The following RBM10 variants were observed in gnomAD, a reference collection of about 807,000 sequenced individuals.
RBM10 encodes the protein RNA binding motif protein 10.
A neutral mutation model predicts 84.9 loss-of-function variants in RBM10; 1 was observed. The ratio of observed to expected loss-of-function variants is 0.01; its 90% CI spans 0.00 to 0.06. The LOEUF (loss-of-function observed/expected upper bound fraction) is 0.06. Ranked by LOEUF, RBM10 falls within the 10% of genes least tolerant of loss-of-function variation. RBM10 has a pLI of 1.00. For missense variants in RBM10, 438 were observed against 839.0 expected (o/e 0.52, Z 5.90); for synonymous variants, 326 against 344.5 (o/e 0.95, Z 0.60).
At chrX:47,152,178 C>T (rs1556763817) in intron 2 of RBM10, among the ~76,000 whole-genome samples, 25 of 111,980 alleles carry the variant, frequency 2.2e-4, no homozygotes, top group Non-Finnish European at 1.9e-5. Context: ...TGCCACTGCA[C>T]TCCATCCTGG....
At chrX:47,147,620 C>A in intron 2 of RBM10, 122 bp downstream of exon 2, 1 of 923,091 alleles carries the variant, frequency 1.1e-6, no homozygotes, top group Non-Finnish European at 1.5e-6. Context: ...TGATGGGTTT[C>A]TTTTCAGCAG....
At chrX:47,172,961 G>C (rs782068874) in intron 4 of RBM10, among the ~76,000 whole-genome samples, 167 bp from the exon 5 acceptor site, 116 of 112,409 alleles carry the variant, frequency 1.0e-3, no homozygotes, top group African/African-American at 3.6e-3. Context: ...CTGTGAACTG[G>C]TGTGGGCCTG....
At chrX:47,184,956 G>T (rs1569198845) in intron 17 of RBM10, 99 bp from the exon 18 acceptor site, 9 of 999,661 alleles carry the variant, frequency 9.0e-6, no homozygotes, top group Non-Finnish European at 8.2e-6. Context: ...ATAGTGGCTG[G>T]CCCGTGTTTG....
rs1932556645 is a variant in RBM10, at chrX:47,149,119, A to G, written c.17+1621A>G. Among the ~76,000 whole-genome samples, 5 of 111,710 alleles carry G rather than the reference A, an allele frequency of 4.5e-5. No homozygotes were observed. In the Admixed American group the frequency reaches 4.7e-4, roughly 11 times the overall value. On this transcript the variant is annotated intron_variant, in intron 2 of 23. Coordinates refer to ENST00000377604, the MANE Select transcript of RBM10 (RefSeq NM_005676.5). ...GTGACTGTGTTTTCAGTTGACACAC[A>G]TGGCATGGTGCCACAGTCTTCGTTT... is the stretch of plus-strand genomic sequence containing the variant.
At chrX:47,162,165 C>T (rs879959170) in intron 2 of RBM10, among the ~76,000 whole-genome samples, 1 of 112,472 alleles carries the variant, frequency 8.9e-6, no homozygotes, top group Admixed American at 9.4e-5. Flanking sequence ...TAAAACAATG[C>T]TACAGTAACT....
rs782701460 is a variant in RBM10 at position 47,171,180 on chromosome X, GGAGGAT to G, written c.360_365del (p.Asp120_Glu121del). The G allele has an allele frequency of 8.3e-7, 1 of 1,207,394 alleles. No homozygotes were observed. Among genetic ancestry groups the G allele is most frequent in the Admixed American group, 2.2e-5 (1 of 45,644 alleles). ...AGCAAGGGGAGGAGGAGGAGGAGGA[GGAGGAT>G]GAGGAGGAGGAGGAGAAGGCCAGTA... is the stretch of plus-strand genomic sequence containing the variant. On this transcript the variant is annotated inframe_deletion, in exon 4 of 24. Coordinates refer to ENST00000377604, the MANE Select transcript of RBM10 (RefSeq NM_005676.5).
intron 2 of RBM10, 49 bp downstream of exon 2, chrX:47,147,547 G>A (rs2147066691): frequency 1.7e-6 from 2 of 1,194,429 alleles, no homozygotes; most frequent in East Asian, 3.0e-5. Flanking sequence ...TTGCGTCTAT[G>A]TGAGAATTGA....
At chrX:47,185,401 T>C (rs184652637) in intron 19 of RBM10, 34 bp downstream of exon 19, 357 of 1,179,384 alleles carry the variant, frequency 3.0e-4, no homozygotes, top group Non-Finnish European at 3.8e-4. Flanking sequence ...GCGGGGGCTC[T>C]GATCTGGCCA....
intron 5 of RBM10, among the ~76,000 whole-genome samples, chrX:47,173,418 T>TCTGAG (rs1463249906): frequency 8.0e-5 from 9 of 112,101 alleles, no homozygotes; most frequent in Non-Finnish European, 1.5e-4. Flanking sequence ...GGGGTGCAGC[T>TCTGAG]CTGAGCTGAG....
intron 2 of RBM10, among the ~76,000 whole-genome samples, chrX:47,149,408 T>C (rs1423957169): frequency 8.9e-6 from 1 of 112,214 alleles, no homozygotes; most frequent in African/African-American, 3.2e-5. Flanking sequence ...TTGCCCAGGC[T>C]GGAGTGCAAT....
intron 2 of RBM10, among the ~76,000 whole-genome samples, chrX:47,152,747 C>T (rs1467662715): frequency 2.9e-5 from 3 of 101,808 alleles, no homozygotes; most frequent in African/African-American, 1.1e-4. Context: ...GCGCCTGGCC[C>T]ACCCTATAGC....
chrX:47,157,488 C>T, intron 2 of RBM10: 1 of 399,895 alleles, frequency 2.5e-6, no homozygotes, highest in South Asian at 3.2e-5. Flanking sequence ...CCCGCACAGG[C>T]TTGTGACCTC....
intron 7 of RBM10, among the ~76,000 whole-genome samples, chrX:47,178,521 G>C (rs2147162440): frequency 8.9e-6 from 1 of 112,315 alleles, no homozygotes; most frequent in Non-Finnish European, 1.9e-5. Flanking sequence ...CAGAGACCAT[G>C]TTCTGGCCAT....
chrX:47,175,703 C>G (rs782171033), intron 6 of RBM10, among the ~76,000 whole-genome samples: 1 of 111,237 alleles, frequency 9.0e-6, no homozygotes, highest in Non-Finnish European at 1.9e-5. Context: ...TCCACACTCG[C>G]AGGAGGCACC....
chrX:47,162,113 T>A (rs1485063450), intron 2 of RBM10, among the ~76,000 whole-genome samples: 3 of 112,762 alleles, frequency 2.7e-5, no homozygotes, highest in Non-Finnish European at 5.6e-5. Context: ...AGTGCTGGGA[T>A]TACAGGCGTG....
At chrX:47,162,081 TC>T (rs1442177320) in intron 2 of RBM10, among the ~76,000 whole-genome samples, 2 of 112,339 alleles carry the variant, frequency 1.8e-5, no homozygotes, top group African/African-American at 6.5e-5. Flanking sequence ...GATCTCGTGA[TC>T]CGCCTGCCTT....
At chrX:47,153,918 C>T (rs1221833135) in intron 2 of RBM10, among the ~76,000 whole-genome samples, 5 of 110,558 alleles carry the variant, frequency 4.5e-5, no homozygotes, top group African/African-American at 9.9e-5. Context: ...ATTAGCTGGG[C>T]GTGGTGGCAG....
At chrX:47,167,402 A>G (rs1225905328) in intron 2 of RBM10, among the ~76,000 whole-genome samples, 1 of 101,162 alleles carries the variant, frequency 9.9e-6, no homozygotes, top group African/African-American at 3.7e-5. Context: ...TTTTTAAGAC[A>G]GAGTCTTACT....
intron 14 of RBM10, 43 bp from the exon 15 acceptor site, chrX:47,181,706 G>A (rs1935555662): frequency 5.0e-6 from 6 of 1,209,520 alleles, no homozygotes; most frequent in Non-Finnish European, 4.5e-6. Context: ...GGGTGGCATG[G>A]GCAGACACTG....
Sources: allele counts gnomAD v4.1 joint callset (sites outside exome capture counted in the v4.1 genomes callset), GRCh38; gene constraint gnomAD v4.1.1; transcripts MANE v1.5; gene names NCBI Gene and HGNC (gene_info 2026-07-23, HGNC 2026-07-21).